The following ATXN2L variants were observed in gnomAD, a reference collection of about 807,000 sequenced individuals.
ATXN2L encodes ataxin 2 like.
A neutral mutation model predicts 120.7 loss-of-function variants in ATXN2L; 24 were observed. The observed-to-expected ratio is 0.20, with a 90% CI of 0.14 to 0.28. The LOEUF is 0.28. ATXN2L is among the 10% of genes least tolerant of loss of function. ATXN2L has a pLI of 1.00. For missense variants in ATXN2L, 1,312 were observed against 1,432.3 expected (o/e 0.92, Z 1.36); for synonymous variants, 653 against 568.1 (o/e 1.15, Z -2.13).
Position 28,834,854 on chromosome 16 carries a change from C to G in ATXN2L, c.2433+161C>G, listed in dbSNP as rs199525077. On this transcript the variant is annotated intron_variant, in intron 18 of 21. Transcript: ENST00000336783. Reference sequence around the variant, plus strand: ...TCAGACTTGGGCTTGAGCCCTGGCTCTGGTGGTACCTGTAACAAGGCATTG... The same window carrying G: ...TCAGACTTGGGCTTGAGCCCTGGCTGTGGTGGTACCTGTAACAAGGCATTG... 21 of 1,145,460 alleles carry G rather than the reference C, an allele frequency of 1.8e-5. No homozygotes were observed. In the East Asian group the frequency reaches 2.8e-4, roughly 15 times the overall value. 71.0% of individuals were successfully genotyped at this position (1,145,460 alleles called of 1,614,324 possible). A position where few individuals can be genotyped will look rare whatever the true frequency, so the allele number is the denominator to read the frequency against.
intron 6 of ATXN2L, among the ~76,000 whole-genome samples, chr16:28,829,080 C>CT (rs1320145751): frequency 6.6e-6 from 1 of 152,144 alleles, no homozygotes; most frequent in Non-Finnish European, 1.5e-5. Context: ...ACTGCAGCCT[C>CT]AAACTCCTGG....
At chr16:28,835,519 T>G (rs56404918) in intron 20 of ATXN2L, 30 bp from the exon 21 acceptor site, 599,706 of 1,610,632 alleles carry the variant, frequency 0.37, 116,443 homozygotes, top group Admixed American at 0.47. Flanking sequence ...TGCTGGCCTG[T>G]GTGGCACTCA....
rs1961171529 is a variant in ATXN2L, at chr16:28,836,913, C to T, written c.*648C>T. 1 of 942,782 alleles carries T rather than the reference C, an allele frequency of 1.1e-6. No individual in the cohort carries two copies. Among genetic ancestry groups the T allele is most frequent in the Non-Finnish European group, 1.6e-6 (1 of 619,186 alleles). The allele number at this position is 942,782 out of a possible 1,614,324, so 58.4% of individuals were successfully genotyped here. A position where few individuals can be genotyped will look rare whatever the true frequency, so the allele number is the denominator to read the frequency against. ...GGGGAGCTGGGGAATTCCTGCCAAGCACCTTGAATGGGAGGGGCCTCACAG... is the reference window on the plus strand; with the variant it reads ...GGGGAGCTGGGGAATTCCTGCCAAGTACCTTGAATGGGAGGGGCCTCACAG... On this transcript the variant is annotated 3_prime_UTR_variant, in exon 22 of 22. Transcript: ENST00000336783.
Position 28,830,699 on chromosome 16 carries a change from G to A in ATXN2L, c.1119G>A (p.Arg373=), listed in dbSNP as rs779080508. ...GATGCAGCAGCTCTCGGGGCGGTCG[G>A]CCTGGCCTTAGCTCTTTGCCACCTC... is the stretch of plus-strand genomic sequence containing the variant. ...GVRCSSSRGG[R]PGLSSLPPRG... Residue 373 remains arginine, a synonymous_variant, in exon 9 of 22, where the codon CGG becomes CGA. Coordinates refer to ENST00000336783, the MANE Select transcript of ATXN2L (RefSeq NM_007245.4). The A allele has an allele frequency of 6.2e-7, 1 of 1,613,854 alleles. No individual in the cohort carries two copies. The highest frequency in any genetic ancestry group is 8.5e-7 in the Non-Finnish European group (1 of 1,179,906).
chr16:28,825,940 C>T, intron 4 of ATXN2L, 99 bp downstream of exon 4: 1 of 1,206,734 alleles, frequency 8.3e-7, no homozygotes, highest in Non-Finnish European at 1.2e-6. Flanking sequence ...CAGAGTATGC[C>T]TTTAGTTGTT....
At chr16:28,824,295 G>A in intron 1 of ATXN2L, 1 of 1,182,516 alleles carries the variant, frequency 8.5e-7, no homozygotes, top group Non-Finnish European at 1.1e-6. Context: ...GTGCGAGTGT[G>A]TGTGTGTTAA....
At position 28,833,215 on chromosome 16, in the gene ATXN2L, AAGG is replaced by A. The variant is rs2055175440; in HGVS notation, c.1821_1823del (p.Glu607del). On this transcript the variant is annotated inframe_deletion, in exon 14 of 22. Coordinates refer to ENST00000336783, the MANE Select transcript of ATXN2L (RefSeq NM_007245.4). ...CTCCAAGACAGAGTCCGTATCGGAT[AAGG>A]AGGACAAACCACCCCTGGCACCATC... 1 of 1,614,190 alleles carries A rather than the reference AAGG, an allele frequency of 6.2e-7. No homozygotes were observed. Among genetic ancestry groups the A allele is most frequent in the Non-Finnish European group, 8.5e-7 (1 of 1,180,042 alleles).
In ATXN2L at chr16:28,834,431, A is replaced by G; in HGVS notation, c.2245+16A>G. ...GGAGCAAAAGGTGAGCAGGGCTGGG[A>G]GGGGCAGGCGGCGAGGCTGCCAAGG... On this transcript the variant is annotated intron_variant, in intron 17 of 21. Transcript: ENST00000336783. The G allele has an allele frequency of 6.2e-7, 1 of 1,613,848 alleles. No homozygotes were observed.
chr16:28,833,900 T>G (rs986831465), intron 15 of ATXN2L, 165 bp from the exon 16 acceptor site: 1 of 831,954 alleles, frequency 1.2e-6, no homozygotes, highest in Non-Finnish European at 1.9e-6. Context: ...CCTGTAACTT[T>G]AGAATACTCA....
At chr16:28,826,782 C>T (rs1225311604) in intron 5 of ATXN2L, 80 bp from the exon 6 acceptor site, 20 of 1,447,122 alleles carry the variant, frequency 1.4e-5, no homozygotes, top group Non-Finnish European at 1.7e-5. Flanking sequence ...GAACTACTTA[C>T]GGAGAGTGGG....
chr16:28,825,238 C>T (rs373138797), intron 1 of ATXN2L, 128 bp from the exon 2 acceptor site: 3 of 922,132 alleles, frequency 3.3e-6, no homozygotes, highest in Middle Eastern at 2.3e-4. Context: ...AAAAATCTTA[C>T]TGATTAACAA....
At chr16:28,831,867 A>G (rs1015991768) in intron 10 of ATXN2L, among the ~76,000 whole-genome samples, 1 of 152,256 alleles carries the variant, frequency 6.6e-6, no homozygotes, top group Non-Finnish European at 1.5e-5. Context: ...TCTGGGGAAC[A>G]GAGCGATACC....
chr16:28,827,385 T>C (rs1567405443), intron 6 of ATXN2L, among the ~76,000 whole-genome samples: 1 of 151,606 alleles, frequency 6.6e-6, no homozygotes, highest in East Asian at 2.0e-4. Flanking sequence ...CAGTGAGCTG[T>C]GATCATACCA....
chr16:28,833,020 T>C, intron 13 of ATXN2L, 39 bp from the exon 14 acceptor site: 1 of 1,603,894 alleles, frequency 6.2e-7, no homozygotes, highest in African/African-American at 1.3e-5. Context: ...AGGACTAGGG[T>C]CTGGGTCAGA....
In ATXN2L at chr16:28,833,096, C is replaced by T. The variant is rs1264135909; in HGVS notation, c.1697C>T (p.Pro566Leu). The T allele has an allele frequency of 2.1e-5, 34 of 1,614,094 alleles. No individual in the cohort carries two copies. Among genetic ancestry groups the T allele is most frequent in the Non-Finnish European group, 2.7e-5 (32 of 1,180,036 alleles). The change falls in exon 14 of 22, where the codon CCT becomes CTT. Residue 566 changes from proline (P) to leucine (L), a missense_variant. Physicochemically the swap from Pro to Leu is moderately conservative, Grantham distance 98 (BLOSUM62 -3). Transcript: ENST00000336783. ...PSSSPENSLD[P>L]FPPRILKEEP... ...AGCTCCCCTGAGAACAGCCTGGATC[C>T]TTTTCCTCCCCGGATCTTAAAGGAG...
rs747774074 is a variant in ATXN2L at position 28,832,375 on chromosome 16, A to G, written c.1492A>G (p.Lys498Glu). 3.3e-5 allele frequency: 54 copies of G among 1,614,120 alleles called. No homozygotes were observed. Among genetic ancestry groups the G allele is most frequent in the Non-Finnish European group, 4.6e-5 (54 of 1,180,020 alleles). The change falls in exon 11 of 22, where the codon AAG (lysine) becomes GAG (glutamate). Residue 498 changes from lysine (K) to glutamate (E), a missense_variant. Transcript: ENST00000336783. Reference protein sequence around the residue: ...GVGSISPASPKISLAPTDVKE... With the variant: ...GVGSISPASPEISLAPTDVKE... ...GGGCTCCATTTCTCCAGCTTCTCCA[A>G]AGATCTCCCTGGCCCCCACAGATGG...
chr16:28,830,494 G>T, intron 8 of ATXN2L, 121 bp from the exon 9 acceptor site: 1 of 943,254 alleles, frequency 1.1e-6, no homozygotes, highest in Non-Finnish European at 1.6e-6. Context: ...GATGGTGCTG[G>T]AGCCAGGCAG....
Position 28,833,478 on chromosome 16 carries a change from G to A in ATXN2L, c.1995G>A (p.Glu665=), listed in dbSNP as rs376330450. The A allele has an allele frequency of 6.2e-6, 10 of 1,614,094 alleles. No homozygotes were observed. The African/African-American group carries it at 9.3e-5, about 15-fold the overall frequency. The change falls in exon 15 of 22, where the codon GAG becomes GAA. Residue 665 remains glutamate, a synonymous_variant. Transcript: ENST00000336783. ...CAACGTTGAACCCTAATGCTAAGGA[G>A]TTCAATCCTACAAAGCCTCTGCTGT... is the stretch of plus-strand genomic sequence containing the variant. ...KKSTLNPNAK[E]FNPTKPLLSV...
Position 28,823,547 on chromosome 16 carries a change from C to A in ATXN2L, c.288C>A (p.Ile96=). 1.5e-6 allele frequency: 2 copies of A among 1,357,996 alleles called. No homozygotes were observed. The highest frequency in any genetic ancestry group is 3.1e-5 in the East Asian group (1 of 32,416). 84.1% of individuals were successfully genotyped at this position (1,357,996 alleles called of 1,614,324 possible). A position where few individuals can be genotyped will look rare whatever the true frequency, so the allele number is the denominator to read the frequency against. ...AGGAGAGGCCGGGGGCAGCCGCCAT[C>A]GGCAGCGCCAGGTGAGAAGGGTGGG... ...QHQERPGAAA[I]GSARGQSTGK... is the part of the protein sequence containing the mutation. Residue 96 remains isoleucine, a synonymous_variant, in exon 1 of 22, where the codon ATC becomes ATA. Transcript: ENST00000336783.
Sources: allele counts gnomAD v4.1 joint callset (sites outside exome capture counted in the v4.1 genomes callset), GRCh38; gene constraint gnomAD v4.1.1; transcripts MANE v1.5; gene names NCBI Gene and HGNC (gene_info 2026-07-23, HGNC 2026-07-21).